The following TTC28 variants were observed in gnomAD, a reference collection of about 807,000 sequenced individuals.
TTC28 encodes the protein tetratricopeptide repeat protein 28.
TTC28 carries 61 observed loss-of-function variants against 198.0 expected under a neutral mutation model. The observed-to-expected ratio is 0.31, with a 90% CI of 0.25 to 0.38. The LOEUF (loss-of-function observed/expected upper bound fraction) is 0.38, where lower values mean the gene tolerates loss of function less well. TTC28 is among the 10% of genes least tolerant of loss of function. The pLI is 1.00. For synonymous variants in TTC28, 1,171 were observed against 1,297.8 expected, an observed-to-expected ratio of 0.90 and a Z score of 2.10; for missense variants, 2,678 against 3,164.0, an observed-to-expected ratio of 0.85 and a Z score of 3.69.
chr22:28,598,667 T>C (rs1206003396), intron 2 of TTC28, among the ~76,000 whole-genome samples: 1 of 152,164 alleles, frequency 6.6e-6, no homozygotes, highest in Non-Finnish European at 1.5e-5. Context: ...CAACAATTTA[T>C]GTCAAATGAT....
rs1937088527 is a variant in TTC28 at position 27,983,315 on chromosome 22, G to A, written c.6352C>T (p.Pro2118Ser). 12 of 1,551,870 alleles carry A rather than the reference G, an allele frequency of 7.7e-6. No individual in the cohort carries two copies. Among genetic ancestry groups the A allele is most frequent in the Non-Finnish European group, 9.6e-6 (11 of 1,147,106 alleles). Residue 2118 changes from proline to serine, a missense_variant, in exon 23 of 23, where the codon CCC becomes TCC. This residue lies in a region of TTC28 where 622 missense variants were observed against 656.0 expected (regional missense o/e 0.95). Transcript: ENST00000397906. Reference sequence around the variant, plus strand: ...CCCACCTTTTGGAAGGGTGAGTTGGGGCTGGGAATCAGAGTCATTTTCACT... The same window carrying A: ...CCCACCTTTTGGAAGGGTGAGTTGGAGCTGGGAATCAGAGTCATTTTCACT... Reference protein sequence around the residue: ...SPVKMTLIPSPNSPFQKVGKL... With the variant: ...SPVKMTLIPSSNSPFQKVGKL...
At chr22:28,420,843 C>T (rs1391689956) in intron 2 of TTC28, among the ~76,000 whole-genome samples, 4 of 152,012 alleles carry the variant, frequency 2.6e-5, no homozygotes, top group African/African-American at 9.7e-5. Flanking sequence ...TCAGGTGATC[C>T]GCCTGCCTTG....
At chr22:28,270,566 T>C (rs917627657) in intron 5 of TTC28, among the ~76,000 whole-genome samples, 1 of 152,204 alleles carries the variant, frequency 6.6e-6, no homozygotes, top group Non-Finnish European at 1.5e-5. Context: ...GTAGCTTTAA[T>C]ATGTACAGAG....
intron 14 of TTC28, among the ~76,000 whole-genome samples, chr22:28,003,279 G>A (rs987404995): frequency 6.6e-6 from 1 of 152,124 alleles, no homozygotes; most frequent in South Asian, 2.1e-4. Context: ...AGTGAACCTC[G>A]AACCAGCCGC....
intron 6 of TTC28, among the ~76,000 whole-genome samples, chr22:28,116,868 A>G (rs371306429): frequency 5.8e-4 from 88 of 152,214 alleles, no homozygotes; most frequent in African/African-American, 2.0e-3. Context: ...CAGTCTTCCT[A>G]TGCCAGCCAC....
intron 2 of TTC28, among the ~76,000 whole-genome samples, chr22:28,534,059 T>C (rs923557096): frequency 6.6e-6 from 1 of 152,020 alleles, no homozygotes; most frequent in African/African-American, 2.4e-5. Context: ...AATTGACAAA[T>C]GGGATCTAAC....
At chr22:28,142,218 T>G (rs1251347122) in intron 6 of TTC28, among the ~76,000 whole-genome samples, 1 of 152,200 alleles carries the variant, frequency 6.6e-6, no homozygotes. Flanking sequence ...GCCCAGTAAG[T>G]GTTGGCTCAC....
intron 6 of TTC28, among the ~76,000 whole-genome samples, chr22:28,118,438 C>T (rs1942697153): frequency 6.6e-6 from 1 of 151,916 alleles, no homozygotes; most frequent in African/African-American, 2.4e-5. Context: ...TAGTCAAGGA[C>T]AGACACTCAG....
At chr22:28,077,747 G>T (rs1439428111) in intron 12 of TTC28, among the ~76,000 whole-genome samples, 1 of 151,966 alleles carries the variant, frequency 6.6e-6, no homozygotes, top group Non-Finnish European at 1.5e-5. Flanking sequence ...CACCAAAAGG[G>T]AAAAAAATAA....
At position 28,523,727 on chromosome 22, in the gene TTC28, A is replaced by G. The variant is rs139153953; in HGVS notation, c.381+105825T>C. 3.9e-3 allele frequency among the ~76,000 whole-genome samples: 601 copies of G among 152,378 alleles called. 1 individual carries two copies. Among genetic ancestry groups the G allele is most frequent in the Non-Finnish European group, 6.4e-3 (433 of 68,042 alleles). ...TGCACACACAGTTAGCAAAGAACAC[A>G]GTAGAGCCTGACTCCAGAATCTAAA... On this transcript the variant is annotated intron_variant, in intron 2 of 22. Coordinates refer to ENST00000397906, the MANE Select transcript of TTC28 (RefSeq NM_001145418.2).
rs1937895791 is a variant in TTC28, at chr22:28,005,461, A to G, written c.4219-3908T>C. 6.6e-6 allele frequency among the ~76,000 whole-genome samples: 1 copy of G among 152,148 alleles called. No individual in the cohort carries two copies. Among genetic ancestry groups the G allele is most frequent in the African/African-American group, 2.4e-5 (1 of 41,426 alleles). On this transcript the variant is annotated intron_variant, in intron 14 of 22. Transcript: ENST00000397906. This position sits in a 1 kb window ranked among gnomAD's most constrained non-coding sequence, Gnocchi z 4.9. The stretch of plus-strand genomic sequence containing the variant: ...CTCAGGTCCTGAAGCCCTTGTCACT[A>G]TCCGCTCCAAGATAGGCTGCATTCC...
chr22:28,613,646 T>C (rs2050855859), intron 2 of TTC28, among the ~76,000 whole-genome samples: 1 of 152,004 alleles, frequency 6.6e-6, no homozygotes, highest in Non-Finnish European at 1.5e-5. Context: ...TGGTTCAACA[T>C]ACGCAAATAA....
chr22:28,597,489 T>G (rs956030033), intron 2 of TTC28, among the ~76,000 whole-genome samples: 2 of 152,202 alleles, frequency 1.3e-5, no homozygotes, highest in African/African-American at 4.8e-5. Context: ...AGTTTGTTTT[T>G]GTTTAAACAC....
intron 2 of TTC28, among the ~76,000 whole-genome samples, chr22:28,521,504 A>G (rs967617145): frequency 1.3e-5 from 2 of 152,138 alleles, no homozygotes; most frequent in African/African-American, 4.8e-5. Flanking sequence ...GGAGAAAACA[A>G]AAGAGCTGAG....
chr22:28,360,219 T>C (rs2046137904), intron 2 of TTC28, among the ~76,000 whole-genome samples: 1 of 152,066 alleles, frequency 6.6e-6, no homozygotes, highest in Admixed American at 6.6e-5. Flanking sequence ...AGAATTCCAG[T>C]ATAAAAAACA....
At chr22:28,150,162 A>C (rs565520665) in intron 6 of TTC28, among the ~76,000 whole-genome samples, 3 of 152,226 alleles carry the variant, frequency 2.0e-5, no homozygotes, top group Non-Finnish European at 4.4e-5. Context: ...AATCATAAGC[A>C]TAGAGCTCAA....
At chr22:28,638,093 A>G (rs2051304882) in intron 1 of TTC28, among the ~76,000 whole-genome samples, 1 of 152,226 alleles carries the variant, frequency 6.6e-6, no homozygotes, top group African/African-American at 2.4e-5. Context: ...ATAGACAGCA[A>G]TACTGTGATA....
At chr22:28,602,129 C>T (rs1410987540) in intron 2 of TTC28, among the ~76,000 whole-genome samples, 1 of 152,100 alleles carries the variant, frequency 6.6e-6, no homozygotes, top group Non-Finnish European at 1.5e-5. Context: ...CAAAGGAAAG[C>T]ACATGGAATA....
At position 28,297,584 on chromosome 22, in the gene TTC28, G is replaced by A. The variant is rs2044925479; in HGVS notation, c.798C>T (p.Thr266=). ...YMQQDLDVAK[T]LGDQTGECRA... is the part of the protein sequence containing the mutation. ...AATAGAGAAGCATCACTCTACCTAA[G>A]GTCTTGGCTACATCCAAGTCCTGCT... is the stretch of plus-strand genomic sequence containing the variant. The change falls in exon 4 of 23, where the codon ACC becomes ACT. Residue 266 remains threonine, a synonymous_variant. Coordinates refer to ENST00000397906, the MANE Select transcript of TTC28 (RefSeq NM_001145418.2). The A allele has an allele frequency of 1.3e-6, 2 of 1,550,462 alleles. No individual in the cohort carries two copies. The highest frequency in any genetic ancestry group is 1.7e-6 in the Non-Finnish European group (2 of 1,146,110).
Sources: gnomAD v4.1 joint callset for allele counts (sites outside exome capture counted in the v4.1 genomes callset) on GRCh38, gnomAD v4.1.1 for gene constraint, gnomAD v4.1.1 regional missense constraint, Gnocchi (gnomAD v3.1) non-coding constraint, MANE v1.5 for transcripts, NCBI Gene and HGNC (gene_info 2026-07-23, HGNC 2026-07-21) for gene names.